SLC1A7: variants seen among roughly 807,000 people sequenced by gnomAD.
SLC1A7 encodes the protein solute carrier family 1 member 7, also known as excitatory amino acid transporter 5.
SLC1A7 carries 40 observed loss-of-function variants against 47.7 expected under a neutral mutation model. The observed-to-expected ratio is 0.84, with a 90% CI of 0.65 to 1.09. SLC1A7 has a LOEUF of 1.09. Among genes scored for constraint, SLC1A7 ranks in the 50% least tolerant of loss-of-function variants. The pLI, the probability that SLC1A7 is intolerant of heterozygous loss-of-function variation, is 0.00. For missense variants in SLC1A7, 746 were observed against 769.5 expected, an observed-to-expected ratio of 0.97 and a Z score of 0.36; for synonymous variants, 323 against 325.6, an observed-to-expected ratio of 0.99 and a Z score of 0.09.
At chr1:53,110,465 C>T (rs750051370) in intron 3 of SLC1A7, among the ~76,000 whole-genome samples, 2 of 152,198 alleles carry the variant, frequency 1.3e-5, no homozygotes, top group East Asian at 1.9e-4. Context: ...GTGGGGGGTG[C>T]GGCTCTAAGC....
intron 5 of SLC1A7, among the ~76,000 whole-genome samples, chr1:53,096,800 C>A (rs967641006): frequency 9.3e-5 from 14 of 151,204 alleles, no homozygotes; most frequent in African/African-American, 3.4e-4. Flanking sequence ...ATTGACACAC[C>A]CTGCCTCAAT....
chr1:53,127,136 C>T (rs1052180594), intron 2 of SLC1A7, among the ~76,000 whole-genome samples: 2 of 142,750 alleles, frequency 1.4e-5, no homozygotes, highest in African/African-American at 5.2e-5. Flanking sequence ...AGTTCAGCTC[C>T]TAACTGTCCT....
At position 53,105,683 on chromosome 1, in the gene SLC1A7, C is replaced by T. The variant is rs377141612; in HGVS notation, c.474+49G>A. On this transcript the variant is annotated intron_variant, in intron 4 of 10. Transcript: ENST00000371494. The stretch of plus-strand genomic sequence containing the variant: ...TGCCACTAGCCCTGCTGCCTGCCCT[C>T]CTGCCTGCTGCCCCTTCCCTCCCCT... The T allele has an allele frequency of 7.5e-5, 109 of 1,445,892 alleles. No homozygotes were observed. The African/African-American group carries it at 1.4e-3, about 18-fold the overall frequency. The allele number at this position is 1,445,892 out of a possible 1,614,324, so 89.6% of individuals were successfully genotyped here.
chr1:53,131,422 C>T (rs1325051255), intron 2 of SLC1A7, among the ~76,000 whole-genome samples: 2 of 152,216 alleles, frequency 1.3e-5, no homozygotes, highest in East Asian at 3.8e-4. Flanking sequence ...CTCTAAGGTG[C>T]CTCTGTTCTG....
At chr1:53,103,189 G>A (rs552284513) in intron 5 of SLC1A7, 157 bp downstream of exon 5, 450 of 599,860 alleles carry the variant, frequency 7.5e-4, no homozygotes, top group Non-Finnish European at 1.0e-3. Context: ...GGGAGGCGAA[G>A]GATTTAAATA....
intron 1 of SLC1A7, among the ~76,000 whole-genome samples, chr1:53,139,753 CTCTATT>C (rs1380616545): frequency 2.0e-5 from 3 of 152,050 alleles, no homozygotes; most frequent in Non-Finnish European, 2.9e-5. Context: ...GTTGTAGCCT[CTCTATT>C]TCTTTTTCTC....
chr1:53,098,507 C>T (rs1227944666), intron 5 of SLC1A7, among the ~76,000 whole-genome samples: 3 of 148,896 alleles, frequency 2.0e-5, no homozygotes, highest in Non-Finnish European at 4.5e-5. Context: ...TACACTCAAA[C>T]TGCCTCAGAA....
chr1:53,106,579 G>A (rs1372297041), intron 3 of SLC1A7, among the ~76,000 whole-genome samples: 4 of 146,014 alleles, frequency 2.7e-5, no homozygotes, highest in South Asian at 2.2e-4. Flanking sequence ...CAGCCTGGGC[G>A]GCAGAGCAAG....
chr1:53,095,985 TAC>T (rs1185629843), intron 5 of SLC1A7, among the ~76,000 whole-genome samples: 7 of 126,038 alleles, frequency 5.6e-5, no homozygotes, highest in Admixed American at 4.0e-4. Context: ...ACCACCTTGG[TAC>T]ACACACACCC....
In SLC1A7 at chr1:53,134,438, A is replaced by C. The variant is rs1252183474; in HGVS notation, c.136-9T>G. ...TGGAAGTAACTAATTTCCTGAAAAC[A>C]CAGTAAGAACTGGGGTTATAGCAAG... On this transcript the variant is annotated splice_polypyrimidine_tract_variant and intron_variant, in intron 1 of 10. Transcript: ENST00000371494. The C allele has an allele frequency of 6.3e-7, 1 of 1,592,278 alleles. No individual in the cohort carries two copies. Among genetic ancestry groups the C allele is most frequent in the Non-Finnish European group, 8.6e-7 (1 of 1,161,298 alleles).
chr1:53,133,819 G>T (rs1572349440), intron 2 of SLC1A7, among the ~76,000 whole-genome samples: 2 of 149,456 alleles, frequency 1.3e-5, no homozygotes, highest in East Asian at 4.0e-4. Context: ...TCCCGCCCTT[G>T]TCCCCAAGTC....
rs1302476969 is a variant in SLC1A7, at chr1:53,088,006, G to T, written c.*3C>A. The T allele has an allele frequency of 6.7e-7, 1 of 1,492,476 alleles. No individual in the cohort carries two copies. 92.5% of individuals were successfully genotyped at this position (1,492,476 alleles called of 1,614,324 possible). ...CCTCGCCTGCCCCTGCAGCTCCGCAGGCTCAGACATTGGTCTCCAGCTCAC... is the reference window on the plus strand; with the variant it reads ...CCTCGCCTGCCCCTGCAGCTCCGCATGCTCAGACATTGGTCTCCAGCTCAC... On this transcript the variant is annotated 3_prime_UTR_variant, in exon 11 of 11. Coordinates refer to ENST00000371494, the MANE Select transcript of SLC1A7 (RefSeq NM_006671.6).
chr1:53,137,248 C>A (rs1327618868), intron 1 of SLC1A7, among the ~76,000 whole-genome samples: 1 of 146,982 alleles, frequency 6.8e-6, no homozygotes, highest in African/African-American at 2.5e-5. Flanking sequence ...GATCGCACCA[C>A]TGCACTCCAG....
chr1:53,114,793 G>C lies in SLC1A7; in HGVS notation c.396C>G (p.Ile132Met), dbSNP rs757269129. 1.9e-6 allele frequency: 3 copies of C among 1,614,172 alleles called. No homozygotes were observed. Among genetic ancestry groups the C allele is most frequent in the Non-Finnish European group, 2.5e-6 (3 of 1,180,022 alleles). ...CCAACAGGGCATCGGCTGAGCTCAT[G>C]ATGGGCTTCCCACTCTGCTCCGTGG... Reference protein sequence around the residue: ...KETTEQSGKPIMSSADALLDL... With the variant: ...KETTEQSGKPMMSSADALLDL... Residue 132 changes from isoleucine to methionine, a missense_variant, in exon 3 of 11, where the codon ATC (isoleucine) becomes ATG (methionine). Ile to Met is a conservative substitution (Grantham distance 10). Coordinates refer to ENST00000371494, the MANE Select transcript of SLC1A7 (RefSeq NM_006671.6).
At chr1:53,115,667 T>G (rs549506196) in intron 2 of SLC1A7, 10 of 152,578 alleles carry the variant, frequency 6.6e-5, no homozygotes, top group Admixed American at 6.5e-4. Context: ...GGCAAGCAAG[T>G]CACTTCCCCA....
At chr1:53,116,274 T>G (rs1644760105) in intron 2 of SLC1A7, 1 of 152,352 alleles carries the variant, frequency 6.6e-6, no homozygotes, top group Admixed American at 6.5e-5. Flanking sequence ...GGAAGCCGTC[T>G]CTGACCACCA....
At position 53,114,738 on chromosome 1, in the gene SLC1A7, G is replaced by C; in HGVS notation, c.431+20C>G. The C allele has an allele frequency of 6.2e-7, 1 of 1,607,226 alleles. No individual in the cohort carries two copies. Among genetic ancestry groups the C allele is most frequent in the Non-Finnish European group, 8.5e-7 (1 of 1,174,534 alleles). On this transcript the variant is annotated intron_variant, in intron 3 of 10. Transcript: ENST00000371494. Reference sequence around the variant, plus strand: ...CTCGGGCCTGGCGTTCCCAAGCGGGGTGTGGGTGGCAATAGTTACCGGATG... The same window carrying C: ...CTCGGGCCTGGCGTTCCCAAGCGGGCTGTGGGTGGCAATAGTTACCGGATG...
chr1:53,109,647 T>A (rs1644681932), intron 3 of SLC1A7, among the ~76,000 whole-genome samples: 1 of 152,150 alleles, frequency 6.6e-6, no homozygotes, highest in African/African-American at 2.4e-5. Flanking sequence ...GTCATCAGTG[T>A]TTTTGTTCAG....
intron 5 of SLC1A7, among the ~76,000 whole-genome samples, chr1:53,097,183 A>G (rs1298153347): frequency 2.8e-5 from 4 of 141,294 alleles, no homozygotes; most frequent in Non-Finnish European, 6.1e-5. Context: ...ACTCACAGAT[A>G]CCACCTCAGA....
Sources: allele counts gnomAD v4.1 joint callset (sites outside exome capture counted in the v4.1 genomes callset), GRCh38; gene constraint gnomAD v4.1.1; transcripts MANE v1.5; gene names NCBI Gene and HGNC (gene_info 2026-07-23, HGNC 2026-07-21).